The following KCNJ4 variants were observed in gnomAD, a reference collection of about 807,000 sequenced individuals.
The protein encoded by KCNJ4 is potassium inwardly rectifying channel subfamily J member 4.
A neutral mutation model predicts 25.6 loss-of-function variants in KCNJ4; 3 were observed. The ratio of observed to expected loss-of-function variants is 0.12; its 90% CI spans 0.05 to 0.30. The LOEUF (loss-of-function observed/expected upper bound fraction) is 0.30, where lower values mean the gene tolerates loss of function less well. Among genes scored for constraint, KCNJ4 ranks in the 10% least tolerant of loss-of-function variants. The pLI, the probability that KCNJ4 is intolerant of heterozygous loss-of-function variation, is 1.00. For missense variants in KCNJ4, 286 were observed against 666.8 expected, an observed-to-expected ratio of 0.43 and a Z score of 6.29; for synonymous variants, 257 against 283.9, an observed-to-expected ratio of 0.91 and a Z score of 0.95.
rs937369954 is a variant in KCNJ4, at chr22:38,428,126, C to T, written c.7G>A (p.Gly3Arg). 2.5e-6 allele frequency: 4 copies of T among 1,607,066 alleles called. No individual in the cohort carries two copies. The highest frequency in any genetic ancestry group is 2.6e-6 in the Non-Finnish European group (3 of 1,175,480). The change falls in exon 2 of 2, where the codon GGA becomes AGA. Residue 3 changes from glycine (G) to arginine (R), a missense_variant. Coordinates refer to ENST00000303592, the MANE Select transcript of KCNJ4 (RefSeq NM_152868.3). MH[G>R]HSRNGQAHVP... is the part of the protein sequence containing the mutation. ...TGGGCCTGGCCGTTGCGGCTGTGTC[C>T]GTGCATGTCCTGAAGCCGGCGTGGT... is the stretch of plus-strand genomic sequence containing the variant.
intron 1 of KCNJ4, among the ~76,000 whole-genome samples, chr22:38,440,362 T>C (rs2089324164): frequency 6.6e-6 from 1 of 151,882 alleles, no homozygotes; most frequent in African/African-American, 2.4e-5. Flanking sequence ...GTCAACATGG[T>C]AAAACACCGT....
chr22:38,435,140 C>A (rs1157732562), intron 1 of KCNJ4, among the ~76,000 whole-genome samples: 1 of 152,132 alleles, frequency 6.6e-6, no homozygotes, highest in African/African-American at 2.4e-5. Context: ...GGCTCCCTGG[C>A]AGGAGAGGTG....
intron 1 of KCNJ4, among the ~76,000 whole-genome samples, chr22:38,447,398 C>A (rs376237231): frequency 8.5e-5 from 13 of 152,158 alleles, no homozygotes; most frequent in Admixed American, 5.9e-4. Flanking sequence ...AGCCCCTCTG[C>A]CTGCTCCATT....
At chr22:38,450,697 C>T (rs1467314494) in intron 1 of KCNJ4, among the ~76,000 whole-genome samples, 1 of 152,224 alleles carries the variant, frequency 6.6e-6, no homozygotes, top group Non-Finnish European at 1.5e-5. Context: ...ATCTAACTCT[C>T]TGGGCACCTT....
intron 1 of KCNJ4, among the ~76,000 whole-genome samples, chr22:38,442,472 G>A (rs1260216141): frequency 1.4e-5 from 2 of 147,094 alleles, no homozygotes; most frequent in African/African-American, 2.5e-5. Context: ...GTGTGAACCC[G>A]GTAGACGGAG....
At chr22:38,429,669 C>T (rs1017693890) in intron 1 of KCNJ4, among the ~76,000 whole-genome samples, 3 of 152,206 alleles carry the variant, frequency 2.0e-5, no homozygotes, top group African/African-American at 7.2e-5. Flanking sequence ...CCTCACCCCA[C>T]TGGGTGGCGG....
At chr22:38,444,452 G>A (rs2089359297) in intron 1 of KCNJ4, among the ~76,000 whole-genome samples, 2 of 152,222 alleles carry the variant, frequency 1.3e-5, no homozygotes, top group Admixed American at 1.3e-4. Flanking sequence ...ATGGCCATGA[G>A]CAGAGGGGAC....
chr22:38,435,732 A>C (rs1487834473), intron 1 of KCNJ4, among the ~76,000 whole-genome samples: 5 of 151,152 alleles, frequency 3.3e-5, no homozygotes, highest in Non-Finnish European at 5.9e-5. Flanking sequence ...AATTAACACC[A>C]CTGTCCCATT....
intron 1 of KCNJ4, among the ~76,000 whole-genome samples, chr22:38,448,099 A>G (rs2089387856): frequency 6.6e-6 from 1 of 151,012 alleles, no homozygotes; most frequent in African/African-American, 2.4e-5. Flanking sequence ...AGAAAAAAGT[A>G]GCCGGGCATG....
chr22:38,450,852 C>A (rs749326440), intron 1 of KCNJ4, among the ~76,000 whole-genome samples: 1 of 152,148 alleles, frequency 6.6e-6, no homozygotes, highest in Non-Finnish European at 1.5e-5. Flanking sequence ...GCTGTGGGGG[C>A]GTCTAGACCA....
At chr22:38,432,440 C>T (rs950569123) in intron 1 of KCNJ4, among the ~76,000 whole-genome samples, 2 of 152,004 alleles carry the variant, frequency 1.3e-5, no homozygotes, top group East Asian at 1.9e-4. Flanking sequence ...TTGTTTTCTG[C>T]GATGGAGGCC....
intron 1 of KCNJ4, among the ~76,000 whole-genome samples, chr22:38,434,235 C>T (rs1602635926): frequency 6.6e-6 from 1 of 151,950 alleles, no homozygotes; most frequent in Non-Finnish European, 1.5e-5. Context: ...TTCGAGGTGA[C>T]TATTATTGGG....
In KCNJ4 at chr22:38,449,975, C is replaced by T. The variant is rs183606470; in HGVS notation, c.-40+5005G>A. Among the ~76,000 whole-genome samples the T allele has an allele frequency of 3.9e-5, 6 of 152,350 alleles. No homozygotes were observed. The highest frequency in any genetic ancestry group is 5.9e-5 in the Non-Finnish European group (4 of 68,026). ...GCGCCCGTGTGCGCGCCTGCAGGAG[C>T]GCGCGTGTGTGACTCAAGGTCTATT... On this transcript the variant is annotated intron_variant, in intron 1 of 1. Transcript: ENST00000303592. The surrounding 1 kb of genome is among the most constrained non-coding windows in gnomAD (Gnocchi z 5.2).
chr22:38,427,875 G>A lies in KCNJ4; in HGVS notation c.258C>T (p.Asp86=), dbSNP rs762756825. The stretch of plus-strand genomic sequence containing the variant: ...CAGGCACCCCTGGGCTGGCCTCCAG[G>A]TCACCGTGGAAGAAGGCGATACACC... ...LFWCIAFFHG[D]LEASPGVPAA... Residue 86 remains aspartate (D), a synonymous_variant, in exon 2 of 2, where the codon GAC becomes GAT. Coordinates refer to ENST00000303592, the MANE Select transcript of KCNJ4 (RefSeq NM_152868.3). 2.0e-5 allele frequency: 32 copies of A among 1,611,698 alleles called. No individual in the cohort carries two copies. In the East Asian group the frequency reaches 6.9e-4, roughly 35 times the overall value.
intron 1 of KCNJ4, among the ~76,000 whole-genome samples, chr22:38,448,805 A>G (rs2089393375): frequency 6.6e-6 from 1 of 152,148 alleles, no homozygotes; most frequent in South Asian, 2.1e-4. Flanking sequence ...AGCCGCAGAC[A>G]GGAGCTGCTG....
At chr22:38,435,257 CT>C (rs2093062016) in intron 1 of KCNJ4, among the ~76,000 whole-genome samples, 1 of 152,184 alleles carries the variant, frequency 6.6e-6, no homozygotes, top group African/African-American at 2.4e-5. Context: ...CCTCCTGGGC[CT>C]AGATGGGGAG....
intron 1 of KCNJ4, among the ~76,000 whole-genome samples, chr22:38,453,752 C>T (rs1452133234): frequency 6.6e-6 from 1 of 152,176 alleles, no homozygotes; most frequent in Non-Finnish European, 1.5e-5. Flanking sequence ...TTCTGGGAGG[C>T]TGAATGGAGG....
rs145208670 is a variant in KCNJ4 at position 38,428,454 on chromosome 22, C to G, written c.-39-283G>C. ...TCCCTGCCCCTCAACACTGCCCCTC[C>G]GGCCCTCCTATGCTCACTGTTCTGG... On this transcript the variant is annotated intron_variant, in intron 1 of 1. Coordinates refer to ENST00000303592, the MANE Select transcript of KCNJ4 (RefSeq NM_152868.3). Among the ~76,000 whole-genome samples, 814 of 152,322 alleles carry G rather than the reference C, an allele frequency of 5.3e-3. 10 individuals are homozygous for G. The highest frequency in any genetic ancestry group is 0.018 in the African/African-American group (769 of 41,568).
intron 1 of KCNJ4, among the ~76,000 whole-genome samples, chr22:38,451,363 G>T (rs2089409499): frequency 6.6e-6 from 1 of 152,148 alleles, no homozygotes; most frequent in Non-Finnish European, 1.5e-5. Context: ...CCAGCTCTGG[G>T]AATTTTCTAG....
Sources: gnomAD v4.1 joint callset for allele counts (sites outside exome capture counted in the v4.1 genomes callset) on GRCh38, gnomAD v4.1.1 for gene constraint, Gnocchi (gnomAD v3.1) non-coding constraint, MANE v1.5 for transcripts, NCBI Gene and HGNC (gene_info 2026-07-23, HGNC 2026-07-21) for gene names.